PLCB4: variants seen among roughly 807,000 people sequenced by gnomAD.
PLCB4 encodes the protein phospholipase C beta 4, also known as 1-phosphatidylinositol 4,5-bisphosphate phosphodiesterase beta-4.
PLCB4 carries 77 observed loss-of-function variants against 178.8 expected under a neutral mutation model. The observed-to-expected ratio is 0.43, with a 90% CI of 0.36 to 0.52. The LOEUF (loss-of-function observed/expected upper bound fraction) is 0.52. Ranked by LOEUF, PLCB4 falls within the 20% of genes least tolerant of loss-of-function variation. The probability of loss-of-function intolerance (pLI) is 0.00; values close to 1 mark genes in which losing one functional copy is unlikely to be tolerated. For missense variants in PLCB4, 1,024 were observed against 1,453.4 expected (o/e 0.70, Z 4.80); for synonymous variants, 496 against 490.8 (o/e 1.01, Z -0.14).
intron 3 of PLCB4, among the ~76,000 whole-genome samples, chr20:9,264,729 A>T (rs976323235): frequency 8.5e-5 from 13 of 152,144 alleles, no homozygotes; most frequent in Non-Finnish European, 1.8e-4. Context: ...TCTCAACCTG[A>T]GCTGCATATT....
At chr20:9,283,020 C>A (rs761686095) in intron 3 of PLCB4, among the ~76,000 whole-genome samples, 2 of 151,938 alleles carry the variant, frequency 1.3e-5, no homozygotes, top group African/African-American at 4.8e-5. Context: ...CCATGTGGAA[C>A]GAAAGTCTTC....
intron 3 of PLCB4, among the ~76,000 whole-genome samples, chr20:9,305,794 C>G (rs924423894): frequency 2.0e-5 from 3 of 152,096 alleles, no homozygotes; most frequent in Non-Finnish European, 4.4e-5. Context: ...AATTTATTTT[C>G]CACAGAACTT....
chr20:9,139,734 A>G (rs570187164), intron 2 of PLCB4, among the ~76,000 whole-genome samples: 116 of 152,034 alleles, frequency 7.6e-4, no homozygotes, highest in Non-Finnish European at 1.5e-3. Context: ...CAGAAGGCCC[A>G]ACATGTTCCA....
At chr20:9,200,747 C>G (rs2093533343) in intron 2 of PLCB4, among the ~76,000 whole-genome samples, 1 of 152,126 alleles carries the variant, frequency 6.6e-6, no homozygotes, top group African/African-American at 2.4e-5. Flanking sequence ...CTCTTCCTCT[C>G]AGTCTTCTTG....
At chr20:9,422,252 A>G (rs920107882) in intron 27 of PLCB4, among the ~76,000 whole-genome samples, 5 of 152,214 alleles carry the variant, frequency 3.3e-5, no homozygotes, top group Non-Finnish European at 7.3e-5. Context: ...TCTTTCCTTA[A>G]CAAAATAGGG....
chr20:9,394,289 G>T (rs1663507057), intron 18 of PLCB4, among the ~76,000 whole-genome samples: 1 of 152,040 alleles, frequency 6.6e-6, no homozygotes, highest in Non-Finnish European at 1.5e-5. Flanking sequence ...TTATGTTAAT[G>T]ACAGTTTATT....
At chr20:9,437,483 C>A (rs116191958) in intron 30 of PLCB4, among the ~76,000 whole-genome samples, 2,984 of 152,226 alleles carry the variant, frequency 0.02, 79 homozygotes, top group African/African-American at 0.069. Context: ...ATGTGCTTAC[C>A]TGTAGATGAA....
At chr20:9,295,054 A>G (rs6118569) in intron 3 of PLCB4, among the ~76,000 whole-genome samples, 49,480 of 152,002 alleles carry the variant, frequency 0.33, 8,114 homozygotes, top group East Asian at 0.37. Context: ...TTTAAAGACT[A>G]GGGTCCTCTG....
intron 4 of PLCB4, among the ~76,000 whole-genome samples, chr20:9,315,612 A>G (rs942119593): frequency 2.6e-5 from 4 of 152,086 alleles, no homozygotes; most frequent in South Asian, 4.1e-4. Context: ...AGGAGGTGGC[A>G]TTTGAAGTTG....
chr20:9,199,463 C>G lies in PLCB4; in HGVS notation c.-78-17927C>G, dbSNP rs573371022. Among the ~76,000 whole-genome samples, 9 of 152,274 alleles carry G rather than the reference C, an allele frequency of 5.9e-5. No individual in the cohort carries two copies. The South Asian group carries it at 1.9e-3, about 32-fold the overall frequency. ...GTATTTGATTCCAAGTTGGCTTTTTCAATGTTCCCATCACTGATGGAATCC... is the reference window on the plus strand; with the variant it reads ...GTATTTGATTCCAAGTTGGCTTTTTGAATGTTCCCATCACTGATGGAATCC... On this transcript the variant is annotated intron_variant, in intron 2 of 39. Transcript: ENST00000378473.
At position 9,479,559 on chromosome 20, in the gene PLCB4, A is replaced by C. The variant is rs2044766154; in HGVS notation, c.*550A>C. ...CCATCAGAGGCTAATTTCCTGTAAA[A>C]GTTGTGGAAATTGTTAGAACAATAG... On this transcript the variant is annotated 3_prime_UTR_variant, in exon 40 of 40. Transcript: ENST00000378473. 1 of 154,388 alleles carries C rather than the reference A, an allele frequency of 6.5e-6. No individual in the cohort carries two copies. Among genetic ancestry groups the C allele is most frequent in the South Asian group, 2.0e-4 (1 of 4,958 alleles). The allele number at this position is 154,388 out of a possible 1,614,324, so 9.6% of individuals were successfully genotyped here.
At chr20:9,219,459 A>G (rs1177480228) in intron 3 of PLCB4, among the ~76,000 whole-genome samples, 1 of 151,368 alleles carries the variant, frequency 6.6e-6, no homozygotes, top group Non-Finnish European at 1.5e-5. Flanking sequence ...ACAGAGGGAG[A>G]CTCCGAAAAA....
Position 9,398,578 on chromosome 20 carries a change from A to G in PLCB4, c.1511-2912A>G, listed in dbSNP as rs139348656. ...AACAAACTGCAGAAATAATGGAATA[A>G]ATTAACAAGAAAACAATGTTAATAA... On this transcript the variant is annotated intron_variant, in intron 19 of 39. Transcript: ENST00000378473. 5.6e-3 allele frequency among the ~76,000 whole-genome samples: 851 copies of G among 152,256 alleles called. 10 individuals are homozygous for G. The highest frequency in any genetic ancestry group is 0.02 in the African/African-American group (812 of 41,542).
chr20:9,451,578 T>C (rs1486368199), intron 32 of PLCB4, among the ~76,000 whole-genome samples: 1 of 152,180 alleles, frequency 6.6e-6, no homozygotes, highest in East Asian at 1.9e-4. Flanking sequence ...AGTAGTTAAA[T>C]ACATTCAGGG....
intron 2 of PLCB4, among the ~76,000 whole-genome samples, chr20:9,194,552 G>T (rs2147155217): frequency 6.6e-6 from 1 of 151,850 alleles, no homozygotes; most frequent in South Asian, 2.1e-4. Context: ...GCCGGGCGTG[G>T]TGGCAGGCCA....
chr20:9,293,915 G>GAA (rs913265971), intron 3 of PLCB4, among the ~76,000 whole-genome samples: 2 of 152,078 alleles, frequency 1.3e-5, no homozygotes. Flanking sequence ...GAAGAAAAGA[G>GAA]AAATGTGCAA....
At position 9,448,398 on chromosome 20, in the gene PLCB4, T is replaced by TAA. The variant is rs2042546017; in HGVS notation, c.2880+4156_2880+4157insAA. 9.2e-5 allele frequency among the ~76,000 whole-genome samples: 14 copies of TAA among 152,224 alleles called. No homozygotes were observed. The South Asian group carries it at 2.3e-3, about 25-fold the overall frequency. On this transcript the variant is annotated intron_variant, in intron 32 of 39. Transcript: ENST00000378473. The stretch of plus-strand genomic sequence containing the variant: ...ATGACCTGGGCTGCACTCTCCCTAC[T>TAA]AGTGTGCCCCTGGCCCAAACAGCCC...
chr20:9,298,852 G>A (rs1004410246), intron 3 of PLCB4, among the ~76,000 whole-genome samples: 39 of 151,972 alleles, frequency 2.6e-4, no homozygotes, highest in Non-Finnish European at 4.4e-5. Context: ...TTTTATTCCT[G>A]TGCAATTTGT....
At chr20:9,475,153 T>A (rs1172803210) in intron 38 of PLCB4, among the ~76,000 whole-genome samples, 1 of 152,234 alleles carries the variant, frequency 6.6e-6, no homozygotes. Flanking sequence ...GGCACAGTTA[T>A]GTGTTAGTTA....
Sources: gnomAD v4.1 joint callset for allele counts (sites outside exome capture counted in the v4.1 genomes callset) on GRCh38, gnomAD v4.1.1 for gene constraint, MANE v1.5 for transcripts, NCBI Gene and HGNC (gene_info 2026-07-23, HGNC 2026-07-21) for gene names.